Variants in DCLK2 observed in about 807,000 individuals in gnomAD.
DCLK2 encodes the protein serine/threonine-protein kinase DCLK2.
Under a neutral mutation model 78.4 loss-of-function variants are expected in DCLK2, and 31 were observed. That is an observed-to-expected ratio of 0.40 (90% CI 0.30 to 0.53). The LOEUF is 0.53. Among genes scored for constraint, DCLK2 ranks in the 20% least tolerant of loss-of-function variants. The pLI is 0.61. For missense variants in DCLK2, 872 were observed against 973.7 expected, an observed-to-expected ratio of 0.90 and a Z score of 1.39; for synonymous variants, 407 against 374.9, an observed-to-expected ratio of 1.09 and a Z score of -0.99.
At chr4:150,212,307 G>A (rs1355266523) in intron 5 of DCLK2, among the ~76,000 whole-genome samples, 1 of 152,190 alleles carries the variant, frequency 6.6e-6, no homozygotes, top group African/African-American at 2.4e-5. Context: ...TGAAAGGGCT[G>A]GTAGTATCTC....
At chr4:150,192,049 A>T (rs144543011) in intron 2 of DCLK2, among the ~76,000 whole-genome samples, 1 of 152,212 alleles carries the variant, frequency 6.6e-6, no homozygotes. Flanking sequence ...AATAAAGCCT[A>T]TCTATGTTCA....
Position 150,254,587 on chromosome 4 carries a change from G to T in DCLK2, c.2074-1433G>T, listed in dbSNP as rs539751375. 7.9e-4 allele frequency: 316 copies of T among 397,852 alleles called. 3 individuals are homozygous for T. The highest frequency in any genetic ancestry group is 6.1e-3 in the African/African-American group (299 of 48,730). The allele number at this position is 397,852 out of a possible 1,614,324, so 24.6% of individuals were successfully genotyped here. On this transcript the variant is annotated intron_variant, in intron 15 of 15. Coordinates refer to ENST00000296550, the MANE Select transcript of DCLK2 (RefSeq NM_001040260.4). ...GGAAAAACCTGTATGCTGGCTCTCTGCTTCCCATGTAGGTGGGAGCATCTT... is the reference window on the plus strand; with the variant it reads ...GGAAAAACCTGTATGCTGGCTCTCTTCTTCCCATGTAGGTGGGAGCATCTT...
chr4:150,187,616 G>A (rs902567275), intron 2 of DCLK2, among the ~76,000 whole-genome samples: 2 of 152,182 alleles, frequency 1.3e-5, no homozygotes, highest in African/African-American at 4.8e-5. Context: ...CCTTAATGAG[G>A]TCAATAATTT....
At chr4:150,228,942 C>T (rs906159960) in intron 8 of DCLK2, among the ~76,000 whole-genome samples, 8 of 151,664 alleles carry the variant, frequency 5.3e-5, no homozygotes, top group African/African-American at 1.9e-4. Flanking sequence ...AGGAGAATGG[C>T]GTGAACCCGG....
Position 150,206,513 on chromosome 4 carries a change from G to A in DCLK2, c.1056+2624G>A, listed in dbSNP as rs142901622. ...CTCCACCACTATGCCTGAGGCCTGT[G>A]GGCTTTGCTAACAGCTGTGATACTT... On this transcript the variant is annotated intron_variant, in intron 5 of 15. Coordinates refer to ENST00000296550, the MANE Select transcript of DCLK2 (RefSeq NM_001040260.4). Among the ~76,000 whole-genome samples the A allele has an allele frequency of 3.1e-3, 474 of 152,194 alleles. 2 individuals carry two copies. The highest frequency in any genetic ancestry group is 6.8e-3 in the Middle Eastern group (2 of 294).
chr4:150,151,753 C>T (rs1406236759), intron 2 of DCLK2, among the ~76,000 whole-genome samples: 16 of 151,938 alleles, frequency 1.1e-4, no homozygotes, highest in East Asian at 3.9e-4. Flanking sequence ...AGTGAAACCC[C>T]GTCTCTACTA....
chr4:150,184,989 CT>C (rs916276596), intron 2 of DCLK2, among the ~76,000 whole-genome samples: 2 of 151,898 alleles, frequency 1.3e-5, no homozygotes, highest in Non-Finnish European at 2.9e-5. Flanking sequence ...TGTGTGTCCT[CT>C]TTTTTTTGTT....
chr4:150,115,957 C>T (rs541581062), intron 2 of DCLK2, among the ~76,000 whole-genome samples: 1 of 152,222 alleles, frequency 6.6e-6, no homozygotes, highest in South Asian at 2.1e-4. Flanking sequence ...AGTGAAACTG[C>T]TGAAATCTTT....
intron 13 of DCLK2, 58 bp downstream of exon 13, chr4:150,247,757 C>A: frequency 2.9e-6 from 4 of 1,395,052 alleles, no homozygotes; most frequent in South Asian, 1.2e-5. Context: ...TCACCCATTG[C>A]ACAGGGCTGT....
At chr4:150,229,494 G>A (rs1741879454) in intron 8 of DCLK2, among the ~76,000 whole-genome samples, 2 of 152,258 alleles carry the variant, frequency 1.3e-5, no homozygotes, top group Admixed American at 1.3e-4. Flanking sequence ...GGAGGAATCG[G>A]TGCAATTCCT....
At chr4:150,090,976 G>T (rs1730017601) in intron 1 of DCLK2, among the ~76,000 whole-genome samples, 1 of 152,234 alleles carries the variant, frequency 6.6e-6, no homozygotes, top group African/African-American at 2.4e-5. Flanking sequence ...TGAGTATGGA[G>T]TGGGAACAGC....
Position 150,078,920 on chromosome 4 carries a change from G to A in DCLK2, c.-108G>A. On this transcript the variant is annotated 5_prime_UTR_variant, in exon 1 of 16. Transcript: ENST00000296550. ...CGGAGAGGGCGGGATGCCAGAGCCA[G>A]GTGTCCCGGCGCGTTAAGGGCCCTC... 7.4e-7 allele frequency: 1 copy of A among 1,351,480 alleles called. No homozygotes were observed. Among genetic ancestry groups the A allele is most frequent in the South Asian group, 1.7e-5 (1 of 59,264 alleles). The allele number at this position is 1,351,480 out of a possible 1,614,324, so 83.7% of individuals were successfully genotyped here. A position where few individuals can be genotyped will look rare whatever the true frequency, so the allele number is the denominator to read the frequency against.
At chr4:150,103,865 G>T (rs561894928) in intron 2 of DCLK2, among the ~76,000 whole-genome samples, 1 of 143,700 alleles carries the variant, frequency 7.0e-6, no homozygotes, top group Admixed American at 7.0e-5. Context: ...AATTAATAAG[G>T]TATATAGTAC....
intron 2 of DCLK2, among the ~76,000 whole-genome samples, chr4:150,134,863 G>GT (rs1733581907): frequency 6.6e-6 from 1 of 151,872 alleles, no homozygotes; most frequent in Admixed American, 6.6e-5. Flanking sequence ...AGACTGATGT[G>GT]TTTTTTATTC....
chr4:150,133,345 C>T lies in DCLK2; in HGVS notation c.756+30533C>T, dbSNP rs145355156. Reference sequence around the variant, plus strand: ...CTCTGTGCATGTATGAGAATGACCACGAAAGTACCACAAATATTGATTTTG... The same window carrying T: ...CTCTGTGCATGTATGAGAATGACCATGAAAGTACCACAAATATTGATTTTG... On this transcript the variant is annotated intron_variant, in intron 2 of 15. Coordinates refer to ENST00000296550, the MANE Select transcript of DCLK2 (RefSeq NM_001040260.4). 2.8e-3 allele frequency among the ~76,000 whole-genome samples: 420 copies of T among 152,238 alleles called. 2 individuals carry two copies. Among genetic ancestry groups the T allele is most frequent in the African/African-American group, 9.7e-3 (403 of 41,530 alleles).
chr4:150,185,419 AT>A (rs200535844), intron 2 of DCLK2, among the ~76,000 whole-genome samples: 382 of 146,494 alleles, frequency 2.6e-3, no homozygotes, highest in Middle Eastern at 7.2e-3. Context: ...CATGCATAGT[AT>A]TTTTTTTTTT....
intron 1 of DCLK2, 88 bp downstream of exon 1, chr4:150,079,536 G>C: frequency 7.5e-7 from 1 of 1,332,048 alleles, no homozygotes; most frequent in Non-Finnish European, 1.0e-6. Flanking sequence ...AGCCCGCGGG[G>C]TGCTTTCCAA....
At chr4:150,250,787 G>C (rs1047507430) in intron 15 of DCLK2, among the ~76,000 whole-genome samples, 1 of 151,100 alleles carries the variant, frequency 6.6e-6, no homozygotes, top group East Asian at 2.0e-4. Context: ...ATGGTTGTCT[G>C]AGAGCCTTAC....
At chr4:150,115,030 T>C (rs543589790) in intron 2 of DCLK2, among the ~76,000 whole-genome samples, 4 of 152,358 alleles carry the variant, frequency 2.6e-5, no homozygotes, top group African/African-American at 9.6e-5. Flanking sequence ...CAATGGTTCT[T>C]AAGTTTGGCC....
Sources: gnomAD v4.1 joint callset for allele counts (sites outside exome capture counted in the v4.1 genomes callset) on GRCh38, gnomAD v4.1.1 for gene constraint, MANE v1.5 for transcripts, NCBI Gene and HGNC (gene_info 2026-07-23, HGNC 2026-07-21) for gene names.